GPC3: variants seen among roughly 807,000 people sequenced by gnomAD.
GPC3 encodes glypican 3, also known as glypican-3.
Under a neutral mutation model 34.4 loss-of-function variants are expected in GPC3, and 3 were observed. That is an observed-to-expected ratio of 0.09 (90% CI 0.04 to 0.23). GPC3 has a LOEUF of 0.23. GPC3 is among the 10% of genes least tolerant of loss of function. The pLI is 1.00. For synonymous variants in GPC3, 177 were observed against 174.0 expected, an observed-to-expected ratio of 1.02 and a Z score of -0.13; for missense variants, 351 against 445.6, an observed-to-expected ratio of 0.79 and a Z score of 1.91.
chrX:133,869,670 G>T (rs1045686939), intron 2 of GPC3, among the ~76,000 whole-genome samples: 2 of 112,150 alleles, frequency 1.8e-5, no homozygotes, highest in African/African-American at 3.2e-5. Flanking sequence ...CTGGGTGGCC[G>T]GGCATGGTGG....
At chrX:133,763,735 T>C (rs1014958012) in intron 2 of GPC3, 2 of 463,541 alleles carry the variant, frequency 4.3e-6, no homozygotes, top group Non-Finnish European at 7.6e-6. Context: ...TGACAAAAAA[T>C]AAACATCAGT....
intron 3 of GPC3, among the ~76,000 whole-genome samples, chrX:133,733,105 T>C (rs757291020): frequency 1.9e-4 from 21 of 110,898 alleles, no homozygotes; most frequent in African/African-American, 5.3e-4. Flanking sequence ...TACTCAGCCA[T>C]TGAAAGGAAC....
intron 3 of GPC3, among the ~76,000 whole-genome samples, chrX:133,747,428 T>C (rs942070746): frequency 2.7e-5 from 3 of 111,681 alleles, no homozygotes; most frequent in Non-Finnish European, 3.8e-5. Context: ...CATTGGGAAA[T>C]ACTAGAGCAA....
intron 2 of GPC3, among the ~76,000 whole-genome samples, chrX:133,902,317 T>A (rs2076147536): frequency 8.9e-6 from 1 of 112,680 alleles, no homozygotes; most frequent in Admixed American, 9.4e-5. Flanking sequence ...ATATTACTTT[T>A]GTTCTCAGAA....
At chrX:133,599,174 G>A (rs1468089453) in intron 6 of GPC3, among the ~76,000 whole-genome samples, 1 of 111,924 alleles carries the variant, frequency 8.9e-6, no homozygotes, top group Non-Finnish European at 1.9e-5. Flanking sequence ...TCTCACAAGT[G>A]CTTTTTCTTG....
At chrX:133,710,905 G>C (rs2071260325) in intron 3 of GPC3, among the ~76,000 whole-genome samples, 1 of 112,173 alleles carries the variant, frequency 8.9e-6, no homozygotes, top group African/African-American at 3.2e-5. Context: ...GCAGCACCAG[G>C]AGTTCATGAC....
At chrX:133,767,666 A>C (rs2071863667) in intron 2 of GPC3, among the ~76,000 whole-genome samples, 1 of 110,383 alleles carries the variant, frequency 9.1e-6, no homozygotes, top group South Asian at 3.9e-4. Flanking sequence ...ACTCAGGGGA[A>C]GAGAGCTGCT....
At chrX:133,732,858 A>T (rs150808882) in intron 3 of GPC3, among the ~76,000 whole-genome samples, 1,507 of 110,986 alleles carry the variant, frequency 0.014, 24 homozygotes, top group African/African-American at 0.046. Flanking sequence ...TCAAGAGTTC[A>T]CATTTCTTTC....
At chrX:133,906,027 T>A (rs951384944) in intron 2 of GPC3, among the ~76,000 whole-genome samples, 2 of 111,964 alleles carry the variant, frequency 1.8e-5, no homozygotes, top group African/African-American at 3.2e-5. Flanking sequence ...AACGTGAACA[T>A]GTATAAAAAC....
intron 7 of GPC3, among the ~76,000 whole-genome samples, chrX:133,582,643 A>C (rs1311790576): frequency 9.0e-6 from 1 of 111,536 alleles, no homozygotes; most frequent in African/African-American, 3.3e-5. Context: ...TTTTTTGGTC[A>C]TTTTCTTTTT....
rs779282511 is a variant in GPC3 at position 133,611,724 on chromosome X, G to T, written c.1414-15125C>A. ...AAATCAAAACTTCAAATATGTTGCT[G>T]CCCCAGAGATGAAATCTGGTGGGAT... On this transcript the variant is annotated intron_variant, in intron 6 of 7. Coordinates refer to ENST00000370818, the MANE Select transcript of GPC3 (RefSeq NM_004484.4). 5.4e-5 allele frequency among the ~76,000 whole-genome samples: 6 copies of T among 111,870 alleles called. No homozygotes were observed. The South Asian group carries it at 1.5e-3, about 28-fold the overall frequency.
chrX:133,909,144 T>C (rs2076184388), intron 2 of GPC3, among the ~76,000 whole-genome samples: 1 of 112,432 alleles, frequency 8.9e-6, no homozygotes, highest in African/African-American at 3.2e-5. Flanking sequence ...GTCTGTTATT[T>C]GTTAAATAAA....
chrX:133,646,408 T>C (rs1283682438), intron 6 of GPC3, among the ~76,000 whole-genome samples: 1 of 111,978 alleles, frequency 8.9e-6, no homozygotes, highest in African/African-American at 3.2e-5. Flanking sequence ...AATGATTCTC[T>C]TAGGGAAAGC....
At chrX:133,765,208 A>G (rs2071834153) in intron 2 of GPC3, among the ~76,000 whole-genome samples, 1 of 112,106 alleles carries the variant, frequency 8.9e-6, no homozygotes, top group South Asian at 3.7e-4. Flanking sequence ...CCATGCGAAG[A>G]CTGGATTATA....
intron 6 of GPC3, among the ~76,000 whole-genome samples, chrX:133,624,072 G>A (rs978007518): frequency 4.5e-5 from 5 of 111,813 alleles, no homozygotes; most frequent in East Asian, 2.8e-4. Context: ...GGTACATAAC[G>A]AAATGAAGGC....
At chrX:133,839,251 C>T (rs768446860) in intron 2 of GPC3, among the ~76,000 whole-genome samples, 2 of 111,681 alleles carry the variant, frequency 1.8e-5, no homozygotes, top group African/African-American at 6.5e-5. Flanking sequence ...CTCCTAGCCC[C>T]CAAAGCATTT....
At chrX:133,749,427 G>A (rs1168193453) in intron 3 of GPC3, among the ~76,000 whole-genome samples, 1 of 111,577 alleles carries the variant, frequency 9.0e-6, no homozygotes, top group Non-Finnish European at 1.9e-5. Flanking sequence ...ACCTCCAGTG[G>A]TGCTGCCAGC....
In GPC3 at chrX:133,681,627, AC is replaced by A. The variant is rs747344542; in HGVS notation, c.1292+10741del. The stretch of plus-strand genomic sequence containing the variant: ...CTGTGGCCTGTGGAACAGAAAAACC[AC>A]CACCACAATCCAACGATCACAGCCA... On this transcript the variant is annotated intron_variant, in intron 5 of 7. Transcript: ENST00000370818. 2.1e-4 allele frequency among the ~76,000 whole-genome samples: 24 copies of A among 111,994 alleles called. No homozygotes were observed. The East Asian group carries it at 3.4e-3, about 16-fold the overall frequency.
At chrX:133,780,460 T>G (rs1202007687) in intron 2 of GPC3, among the ~76,000 whole-genome samples, 1 of 111,431 alleles carries the variant, frequency 9.0e-6, no homozygotes, top group Non-Finnish European at 1.9e-5. Context: ...TTTTCCTGTC[T>G]TATAACATTT....
Sources: allele counts gnomAD v4.1 joint callset (sites outside exome capture counted in the v4.1 genomes callset), GRCh38; gene constraint gnomAD v4.1.1; transcripts MANE v1.5; gene names NCBI Gene and HGNC (gene_info 2026-07-23, HGNC 2026-07-21).